Variants in DPP10 observed in about 807,000 individuals in gnomAD.
DPP10 encodes the protein dipeptidyl peptidase like 10.
In DPP10, 33 loss-of-function variants were observed where a neutral mutation model predicts 120.9. The observed-to-expected ratio is 0.27, with a 90% confidence interval of 0.21 to 0.37. The LOEUF is 0.37. Among genes scored for constraint, DPP10 ranks in the 10% least tolerant of loss-of-function variants. The pLI, the probability that DPP10 is intolerant of heterozygous loss-of-function variation, is 1.00. For missense variants in DPP10, 816 were observed against 942.8 expected (o/e 0.87, Z 1.76); for synonymous variants, 337 against 326.1 (o/e 1.03, Z -0.36).
intron 1 of DPP10, among the ~76,000 whole-genome samples, chr2:114,549,974 T>C (rs915171081): frequency 2.3e-4 from 35 of 152,256 alleles, no homozygotes; most frequent in Middle Eastern, 3.4e-3. Context: ...TTAGAAACCA[T>C]CATGCCCCCA....
intron 1 of DPP10, among the ~76,000 whole-genome samples, chr2:115,270,255 T>C (rs1416075429): frequency 6.6e-6 from 1 of 151,976 alleles, no homozygotes; most frequent in Non-Finnish European, 1.5e-5. Context: ...TCAGGAGACG[T>C]AGAGAAGGCA....
chr2:114,797,432 C>A (rs539917944), intron 1 of DPP10, among the ~76,000 whole-genome samples: 1 of 152,252 alleles, frequency 6.6e-6, no homozygotes, highest in East Asian at 1.9e-4. Flanking sequence ...CTGTAAGCCT[C>A]AATTCTACTT....
At chr2:114,570,438 A>G (rs576170672) in intron 1 of DPP10, among the ~76,000 whole-genome samples, 23 of 152,224 alleles carry the variant, frequency 1.5e-4, no homozygotes, top group African/African-American at 4.6e-4. Flanking sequence ...ATATAACTCA[A>G]AACAATCCAA....
At chr2:115,733,976 C>A (rs1364176259) in intron 8 of DPP10, among the ~76,000 whole-genome samples, 1 of 152,090 alleles carries the variant, frequency 6.6e-6, no homozygotes, top group Non-Finnish European at 1.5e-5. Flanking sequence ...TAAATGTGCC[C>A]ATTAGTTGCA....
At chr2:114,746,602 T>A (rs573858956) in intron 1 of DPP10, among the ~76,000 whole-genome samples, 1 of 152,144 alleles carries the variant, frequency 6.6e-6, no homozygotes, top group Admixed American at 6.5e-5. Context: ...GAGCCTAGGG[T>A]GATTGCAGGG....
At chr2:115,003,066 G>C (rs774303421) in intron 1 of DPP10, among the ~76,000 whole-genome samples, 22 of 151,360 alleles carry the variant, frequency 1.5e-4, no homozygotes, top group Non-Finnish European at 2.6e-4. Flanking sequence ...ACATCTGTAT[G>C]TTCATTGCAG....
intron 1 of DPP10, among the ~76,000 whole-genome samples, chr2:114,485,042 G>T (rs1681384515): frequency 6.6e-6 from 1 of 152,004 alleles, no homozygotes; most frequent in African/African-American, 2.4e-5. Context: ...GAAACTAGAG[G>T]AATAAGGTTG....
At chr2:115,332,689 A>G (rs1162021101) in intron 2 of DPP10, among the ~76,000 whole-genome samples, 1 of 152,196 alleles carries the variant, frequency 6.6e-6, no homozygotes, top group Non-Finnish European at 1.5e-5. Context: ...TGTACCCAGT[A>G]GTCATTCAGG....
intron 1 of DPP10, among the ~76,000 whole-genome samples, chr2:114,743,849 G>T (rs560027388): frequency 3.9e-5 from 6 of 152,126 alleles, no homozygotes; most frequent in African/African-American, 1.2e-4. Context: ...AAATAAGATT[G>T]CCTGTCTTGT....
At chr2:115,384,331 A>G (rs2066684457) in intron 3 of DPP10, among the ~76,000 whole-genome samples, 1 of 151,960 alleles carries the variant, frequency 6.6e-6, no homozygotes, top group Non-Finnish European at 1.5e-5. Flanking sequence ...CTATGATCAC[A>G]TGACTGCACT....
chr2:115,408,085 G>A (rs542388911), intron 3 of DPP10, among the ~76,000 whole-genome samples: 1 of 151,968 alleles, frequency 6.6e-6, no homozygotes, highest in East Asian at 1.9e-4. Context: ...TCCCAGTCTC[G>A]GTGACCACGA....
At chr2:114,802,784 A>C (rs1684373676) in intron 1 of DPP10, among the ~76,000 whole-genome samples, 1 of 152,200 alleles carries the variant, frequency 6.6e-6, no homozygotes. Context: ...TACCTGATTC[A>C]TAAGATCTTC....
intron 4 of DPP10, among the ~76,000 whole-genome samples, chr2:115,522,195 C>G (rs1246439809): frequency 1.3e-5 from 2 of 152,146 alleles, no homozygotes; most frequent in African/African-American, 4.8e-5. Context: ...CTACTGTGCT[C>G]TTTTAAATAG....
chr2:114,796,272 G>T (rs1392084711), intron 1 of DPP10, among the ~76,000 whole-genome samples: 1 of 152,212 alleles, frequency 6.6e-6, no homozygotes, highest in African/African-American at 2.4e-5. Flanking sequence ...TTACAAGAAA[G>T]AGTTGAATTT....
intron 1 of DPP10, among the ~76,000 whole-genome samples, chr2:115,003,495 G>T (rs978038553): frequency 6.6e-6 from 1 of 151,662 alleles, no homozygotes; most frequent in Non-Finnish European, 1.5e-5. Context: ...CAAATTTGCA[G>T]ATGCACCCCT....
At chr2:114,608,232 G>C (rs1241089069) in intron 1 of DPP10, among the ~76,000 whole-genome samples, 1 of 137,574 alleles carries the variant, frequency 7.3e-6, no homozygotes, top group East Asian at 2.2e-4. Flanking sequence ...GAGACTAACA[G>C]AAGATAACCA....
intron 11 of DPP10, among the ~76,000 whole-genome samples, chr2:115,760,555 A>G (rs548632190): frequency 2.0e-5 from 3 of 152,266 alleles, no homozygotes; most frequent in East Asian, 1.9e-4. Context: ...AATTTAAAAC[A>G]TATTATTTAA....
rs1553459657 is a variant in DPP10 at position 115,603,150 on chromosome 2, G to GTGTGTGTGTGTGTGTA, written c.441+77193_441+77194insATGTGTGTGTGTGTGT. ...TGTGTGTGTGTGTGTGTGTGTGTGT[G>GTGTGTGTGTGTGTGTA]TGTGTGTGTGTGTGTGTGTATAGTC... On this transcript the variant is annotated intron_variant, in intron 5 of 25. Coordinates refer to ENST00000410059, the MANE Select transcript of DPP10 (RefSeq NM_020868.6). 7.7e-3 allele frequency among the ~76,000 whole-genome samples: 1,144 copies of GTGTGTGTGTGTGTGTA among 149,388 alleles called. 37 individuals are homozygous for GTGTGTGTGTGTGTGTA. The highest frequency in any genetic ancestry group is 0.053 in the Admixed American group (799 of 15,014).
At position 115,632,392 on chromosome 2, in the gene DPP10, A is replaced by G. The variant is rs1036653049; in HGVS notation, c.442-57295A>G. On this transcript the variant is annotated intron_variant, in intron 5 of 25. Coordinates refer to ENST00000410059, the MANE Select transcript of DPP10 (RefSeq NM_020868.6). Reference sequence around the variant, plus strand: ...CTGTCTTTTGATCAGGGCATTTAGCATGTTTACATTTAAGGTTAATATTAT... The same window carrying G: ...CTGTCTTTTGATCAGGGCATTTAGCGTGTTTACATTTAAGGTTAATATTAT... 7.2e-5 allele frequency among the ~76,000 whole-genome samples: 11 copies of G among 151,942 alleles called. No homozygotes were observed. In the South Asian group the frequency reaches 1.0e-3, roughly 14 times the overall value.
Sources: gnomAD v4.1 joint callset for allele counts (sites outside exome capture counted in the v4.1 genomes callset) on GRCh38, gnomAD v4.1.1 for gene constraint, MANE v1.5 for transcripts, NCBI Gene and HGNC (gene_info 2026-07-23, HGNC 2026-07-21) for gene names.